The following CACNB2 variants were observed in gnomAD, a reference collection of about 807,000 sequenced individuals.
The protein encoded by CACNB2 is voltage-dependent L-type calcium channel subunit beta-2.
A neutral mutation model predicts 73.3 loss-of-function variants in CACNB2; 42 were observed. The ratio of observed to expected loss-of-function variants is 0.57; its 90% CI spans 0.45 to 0.74. The LOEUF (loss-of-function observed/expected upper bound fraction) is 0.74. Ranked by LOEUF, CACNB2 falls within the 30% of genes least tolerant of loss-of-function variation. The probability of loss-of-function intolerance (pLI) is 0.00; values close to 1 mark genes in which losing one functional copy is unlikely to be tolerated. For missense variants in CACNB2, 940 were observed against 853.0 expected (o/e 1.10, Z -1.27); for synonymous variants, 348 against 310.3 (o/e 1.12, Z -1.28).
chr10:18,222,772 A>G (rs546770655), intron 2 of CACNB2, among the ~76,000 whole-genome samples: 1 of 152,142 alleles, frequency 6.6e-6, no homozygotes, highest in East Asian at 1.9e-4. Context: ...CCCTGTCTCT[A>G]CTAAAAATAC....
chr10:18,363,443 C>T (rs558779848), intron 2 of CACNB2, among the ~76,000 whole-genome samples: 39 of 152,170 alleles, frequency 2.6e-4, no homozygotes, highest in Non-Finnish European at 4.0e-4. Flanking sequence ...CCCATGGAAG[C>T]TTCATCCTCT....
At chr10:18,507,797 T>C (rs971582636) in intron 6 of CACNB2, among the ~76,000 whole-genome samples, 6 of 152,184 alleles carry the variant, frequency 3.9e-5, no homozygotes, top group Non-Finnish European at 5.9e-5. Context: ...CAGAGAGTTG[T>C]ACAACTATGC....
At chr10:18,465,975 C>T (rs1195375233) in intron 3 of CACNB2, among the ~76,000 whole-genome samples, 1 of 152,168 alleles carries the variant, frequency 6.6e-6, no homozygotes, top group Non-Finnish European at 1.5e-5. Context: ...GCCACTGCGC[C>T]CGGCCCCAAC....
chr10:18,397,137 C>G (rs942203210), intron 2 of CACNB2, among the ~76,000 whole-genome samples: 47 of 152,050 alleles, frequency 3.1e-4, no homozygotes, highest in Non-Finnish European at 1.5e-5. Context: ...AGTACAGCAT[C>G]AAAACAGCAA....
At chr10:18,323,211 A>T (rs1435705922) in intron 2 of CACNB2, among the ~76,000 whole-genome samples, 1 of 151,828 alleles carries the variant, frequency 6.6e-6, no homozygotes. Flanking sequence ...CTCTCGCCTC[A>T]GCCTCCCAAG....
chr10:18,403,287 C>T (rs2044104756), intron 3 of CACNB2, among the ~76,000 whole-genome samples: 1 of 152,152 alleles, frequency 6.6e-6, no homozygotes, highest in Non-Finnish European at 1.5e-5. Flanking sequence ...CCACGTAGAA[C>T]ATTGTGAAGT....
chr10:18,469,644 T>C (rs2048079007), intron 3 of CACNB2, among the ~76,000 whole-genome samples: 1 of 152,220 alleles, frequency 6.6e-6, no homozygotes, highest in Non-Finnish European at 1.5e-5. Flanking sequence ...TCTAACCTCT[T>C]AATTTTACAT....
intron 2 of CACNB2, among the ~76,000 whole-genome samples, chr10:18,204,019 T>A (rs1484721141): frequency 6.6e-6 from 1 of 151,740 alleles, no homozygotes; most frequent in East Asian, 2.0e-4. Context: ...AGCAATCAGA[T>A]TGCAAAATGG....
At chr10:18,253,447 G>A (rs1316663468) in intron 2 of CACNB2, among the ~76,000 whole-genome samples, 2 of 151,932 alleles carry the variant, frequency 1.3e-5, no homozygotes, top group Admixed American at 1.3e-4. Context: ...TCTCTTTCGT[G>A]GTCTTTCCAA....
intron 2 of CACNB2, among the ~76,000 whole-genome samples, chr10:18,325,184 A>G (rs2040533891): frequency 6.6e-6 from 1 of 151,930 alleles, no homozygotes; most frequent in African/African-American, 2.4e-5. Flanking sequence ...TTTGCCTCAA[A>G]CCTAGTTGGT....
chr10:18,468,193 C>G (rs1222469983), intron 3 of CACNB2, among the ~76,000 whole-genome samples: 1 of 152,142 alleles, frequency 6.6e-6, no homozygotes, highest in African/African-American at 2.4e-5. Context: ...GGTGTGGTGG[C>G]TCACGCCTGC....
At chr10:18,228,161 G>A (rs959855009) in intron 2 of CACNB2, among the ~76,000 whole-genome samples, 2 of 152,170 alleles carry the variant, frequency 1.3e-5, no homozygotes, top group Non-Finnish European at 2.9e-5. Flanking sequence ...GGTGACTCAC[G>A]CCTTGTAATC....
At chr10:18,228,442 A>AAAAAAAAAAAG (rs1564360884) in intron 2 of CACNB2, among the ~76,000 whole-genome samples, 2 of 135,608 alleles carry the variant, frequency 1.5e-5, no homozygotes, top group Admixed American at 6.9e-5. Flanking sequence ...TCAAAAAAAA[A>AAAAAAAAAAAG]AAAAAAAGAA....
intron 3 of CACNB2, among the ~76,000 whole-genome samples, chr10:18,451,734 T>C (rs186776006): frequency 6.6e-6 from 1 of 152,210 alleles, no homozygotes. Flanking sequence ...GTATGTCTTA[T>C]GCTCACCCAT....
chr10:18,476,263 T>C (rs1348357240), intron 3 of CACNB2, among the ~76,000 whole-genome samples: 1 of 152,198 alleles, frequency 6.6e-6, no homozygotes, highest in Non-Finnish European at 1.5e-5. Flanking sequence ...TAGTGTATTA[T>C]TGTTACAGTG....
chr10:18,289,793 C>A (rs72784234), intron 2 of CACNB2, among the ~76,000 whole-genome samples: 181 of 152,094 alleles, frequency 1.2e-3, no homozygotes, highest in Non-Finnish European at 2.1e-3. Context: ...TTGTTCTATC[C>A]TTTATAAAAT....
intron 2 of CACNB2, among the ~76,000 whole-genome samples, chr10:18,183,126 G>C (rs2033973465): frequency 6.6e-6 from 1 of 152,002 alleles, no homozygotes; most frequent in African/African-American, 2.4e-5. Flanking sequence ...AACTTTTCAA[G>C]GCTCTTCTTT....
In CACNB2 at chr10:18,282,002, AGG is replaced by A. The variant is rs1554783411; in HGVS notation, c.214-119918_214-119917del. ...CTCAAAAAAAAAAAAAAAAAAAAAA[AGG>A]GGGAAATAATGTTATTAAAGTTGTG... is the stretch of plus-strand genomic sequence containing the variant. On this transcript the variant is annotated intron_variant, in intron 2 of 13. Coordinates refer to ENST00000324631, the MANE Select transcript of CACNB2 (RefSeq NM_201596.3). 2.3e-5 allele frequency among the ~76,000 whole-genome samples: 3 copies of A among 133,060 alleles called. No homozygotes were observed. In the Admixed American group the frequency reaches 2.3e-4, roughly 10 times the overall value. The allele number at this position is 133,060 out of a possible 152,430, so 87.3% of individuals were successfully genotyped here.
intron 3 of CACNB2, among the ~76,000 whole-genome samples, chr10:18,473,943 C>T (rs191386905): frequency 6.6e-6 from 1 of 152,168 alleles, no homozygotes; most frequent in African/African-American, 2.4e-5. Flanking sequence ...CCACGCTGCT[C>T]TCTGTGACCT....
Sources: gnomAD v4.1 joint callset for allele counts (sites outside exome capture counted in the v4.1 genomes callset) on GRCh38, gnomAD v4.1.1 for gene constraint, MANE v1.5 for transcripts, NCBI Gene and HGNC (gene_info 2026-07-23, HGNC 2026-07-21) for gene names.